PPP1R16B: variants seen among roughly 807,000 people sequenced by gnomAD.
PPP1R16B encodes protein phosphatase 1 regulatory inhibitor subunit 16B.
A neutral mutation model predicts 61.7 loss-of-function variants in PPP1R16B; 14 were observed. That is an observed-to-expected ratio of 0.23 (90% CI 0.15 to 0.35). The LOEUF (loss-of-function observed/expected upper bound fraction) is 0.35, where lower values mean the gene tolerates loss of function less well. Among genes scored for constraint, PPP1R16B ranks in the 10% least tolerant of loss-of-function variants. The probability of loss-of-function intolerance (pLI) is 1.00; values close to 1 mark genes in which losing one functional copy is unlikely to be tolerated. For synonymous variants in PPP1R16B, 266 were observed against 305.3 expected (o/e 0.87, Z 1.34); for missense variants, 547 against 752.5 (o/e 0.73, Z 3.19).
At chr20:38,887,075 G>A (rs1026594638) in intron 2 of PPP1R16B, among the ~76,000 whole-genome samples, 9 of 152,096 alleles carry the variant, frequency 5.9e-5, no homozygotes, top group Admixed American at 3.9e-4. Flanking sequence ...GTGTGTGTTA[G>A]TGTTAGAGGC....
intron 2 of PPP1R16B, among the ~76,000 whole-genome samples, chr20:38,843,273 T>G (rs2145724592): frequency 6.6e-6 from 1 of 152,378 alleles, no homozygotes; most frequent in East Asian, 1.9e-4. Flanking sequence ...AACTCAAAAT[T>G]TAGCAGCTTA....
intron 10 of PPP1R16B, among the ~76,000 whole-genome samples, chr20:38,912,500 C>T (rs74774270): frequency 3.0e-5 from 4 of 134,326 alleles, no homozygotes; most frequent in Non-Finnish European, 4.7e-5. Flanking sequence ...CTCTACCCCC[C>T]ACCAAAAAAA....
chr20:38,866,891 A>T (rs993872600), intron 2 of PPP1R16B, among the ~76,000 whole-genome samples: 2 of 152,180 alleles, frequency 1.3e-5, no homozygotes, highest in African/African-American at 4.8e-5. Context: ...CCCAAAAGGA[A>T]ACCCTGGACT....
rs1033589652 is a variant in PPP1R16B, at chr20:38,822,175, A to G, written c.-101-13650A>G. Among the ~76,000 whole-genome samples, 14 of 152,074 alleles carry G rather than the reference A, an allele frequency of 9.2e-5. 1 individual carries two copies. The highest frequency in any genetic ancestry group is 3.4e-4 in the African/African-American group (14 of 41,510). On this transcript the variant is annotated intron_variant, in intron 1 of 10. Transcript: ENST00000299824. ...ATTTAGCTTTAGTTGAACTACTTGA[A>G]GTCTGCCTTGTATGTACATCATTCA...
At chr20:38,905,362 T>A (rs1332576722) in intron 6 of PPP1R16B, among the ~76,000 whole-genome samples, 1 of 152,212 alleles carries the variant, frequency 6.6e-6, no homozygotes, top group East Asian at 1.9e-4. Flanking sequence ...AAGTTAGTGC[T>A]GGCTGTTGGC....
In PPP1R16B at chr20:38,907,123, AATAG is replaced by A; in HGVS notation, c.898+73_898+76del. ...CAATGTTTTGATGGGTAGAGGGAGA[AATAG>A]ATAAATATATGGTTGTATAGATTGA... On this transcript the variant is annotated intron_variant, in intron 8 of 10. Transcript: ENST00000299824. The surrounding 1 kb of genome is among the most constrained non-coding windows in gnomAD (Gnocchi z 4.5). 1 of 1,213,060 alleles carries A rather than the reference AATAG, an allele frequency of 8.2e-7. No homozygotes were observed. Among genetic ancestry groups the A allele is most frequent in the Admixed American group, 1.7e-5 (1 of 58,970 alleles). 75.1% of individuals were successfully genotyped at this position (1,213,060 alleles called of 1,614,324 possible). A position where few individuals can be genotyped will look rare whatever the true frequency, so the allele number is the denominator to read the frequency against.
chr20:38,813,872 C>T (rs749198999), intron 1 of PPP1R16B, among the ~76,000 whole-genome samples: 5 of 151,606 alleles, frequency 3.3e-5, no homozygotes, highest in Admixed American at 1.3e-4. Context: ...TCTCGGCTCA[C>T]GGCAACTTCT....
chr20:38,889,087 G>A (rs2085270623), intron 2 of PPP1R16B, among the ~76,000 whole-genome samples: 1 of 152,124 alleles, frequency 6.6e-6, no homozygotes, highest in Non-Finnish European at 1.5e-5. Flanking sequence ...ACATCTGCCA[G>A]AGCAGGAGTT....
At chr20:38,837,784 G>A (rs923435499) in intron 2 of PPP1R16B, among the ~76,000 whole-genome samples, 2 of 152,044 alleles carry the variant, frequency 1.3e-5, no homozygotes, top group African/African-American at 4.8e-5. Context: ...TTGACCTCAG[G>A]TGATCCACCT....
Position 38,908,191 on chromosome 20 carries a change from C to G in PPP1R16B, c.1192C>G (p.Pro398Ala). 6.2e-7 allele frequency: 1 copy of G among 1,614,210 alleles called. No homozygotes were observed. Among genetic ancestry groups the G allele is most frequent in the Non-Finnish European group, 8.5e-7 (1 of 1,180,030 alleles). The part of the protein sequence containing the change: ...ETRTDQENKD[P>A]NPRLEKPVLL... ...CAGGACAGACCAAGAGAATAAGGAC[C>G]CTGTGAGTGGCCTCACGCCCTGCCC... The change falls in exon 10 of 11, where the codon CCT becomes GCT. Residue 398 changes from proline to alanine, a missense_variant and splice_region_variant. By Grantham distance (27) the Pro-to-Ala change is conservative. Coordinates refer to ENST00000299824, the MANE Select transcript of PPP1R16B (RefSeq NM_015568.4).
At chr20:38,830,694 G>C (rs1466042505) in intron 1 of PPP1R16B, among the ~76,000 whole-genome samples, 1 of 152,170 alleles carries the variant, frequency 6.6e-6, no homozygotes. Context: ...CTTTTCTCTG[G>C]AGAAAGTCTG....
rs992756366 is a variant in PPP1R16B, at chr20:38,921,499, C to T, written c.*2833C>T. The T allele has an allele frequency of 6.6e-6, 1 of 152,232 alleles. No homozygotes were observed. The highest frequency in any genetic ancestry group is 1.5e-5 in the Non-Finnish European group (1 of 68,046). The allele number at this position is 152,232 out of a possible 1,614,324, so 9.4% of individuals were successfully genotyped here. A position where few individuals can be genotyped will look rare whatever the true frequency, so the allele number is the denominator to read the frequency against. Reference sequence around the variant, plus strand: ...GTGTCTGCATCTTCGTCCAGCGACCCTTTGCTTTTCGGCTCCTAGAATCCT... The same window carrying T: ...GTGTCTGCATCTTCGTCCAGCGACCTTTTGCTTTTCGGCTCCTAGAATCCT... On this transcript the variant is annotated 3_prime_UTR_variant, in exon 11 of 11. Transcript: ENST00000299824.
chr20:38,885,099 A>G (rs1240267317), intron 2 of PPP1R16B, among the ~76,000 whole-genome samples: 1 of 149,802 alleles, frequency 6.7e-6, no homozygotes, highest in Non-Finnish European at 1.5e-5. Flanking sequence ...CATGCCTTAA[A>G]TCCCAGCACT....
At position 38,889,635 on chromosome 20, in the gene PPP1R16B, C is replaced by A; in HGVS notation, c.291C>A (p.Cys97Ter). 1 of 1,600,528 alleles carries A rather than the reference C, an allele frequency of 6.2e-7. No individual in the cohort carries two copies. Among genetic ancestry groups the A allele is most frequent in the African/African-American group, 1.3e-5 (1 of 74,736 alleles). The change falls in exon 3 of 11, where the codon TGC becomes TGA. Residue 97 changes from cysteine to a stop codon, truncating the protein, a stop_gained. Transcript: ENST00000299824. LOFTEE classifies it high-confidence loss of function. ...FLKNKVSPDL[C>*]NEDGLTALHQ... is the part of the protein sequence containing the mutation. ...AGAATAAGGTCAGCCCTGATTTGTG[C>A]AATGAGGACGGACTCACAGCCCTAC...
chr20:38,837,730 T>C (rs1045323689), intron 2 of PPP1R16B, among the ~76,000 whole-genome samples: 2 of 151,892 alleles, frequency 1.3e-5, no homozygotes, highest in African/African-American at 4.8e-5. Context: ...AAATTTTTAG[T>C]AGGGATGGGA....
chr20:38,855,978 A>AAGGAGGAGGAGGAGGAGGAG (rs1265586618), intron 2 of PPP1R16B, among the ~76,000 whole-genome samples: 701 of 29,108 alleles, frequency 0.024, 4 homozygotes, highest in Non-Finnish European at 0.029. Flanking sequence ...AGAGAGAGAG[A>AAGGAGGAGGAGGAGGAGGAG]GAGAAGGAGG....
chr20:38,841,275 C>T (rs1188079549), intron 2 of PPP1R16B, among the ~76,000 whole-genome samples: 1 of 150,332 alleles, frequency 6.7e-6, no homozygotes, highest in Non-Finnish European at 1.5e-5. Context: ...ACTTGTTATC[C>T]CAGCACTTTG....
intron 2 of PPP1R16B, among the ~76,000 whole-genome samples, chr20:38,873,652 T>C (rs1382328142): frequency 2.0e-5 from 3 of 152,090 alleles, no homozygotes; most frequent in Non-Finnish European, 4.4e-5. Flanking sequence ...GGTGGTCTTT[T>C]CACAGGACTG....
intron 2 of PPP1R16B, among the ~76,000 whole-genome samples, chr20:38,861,699 C>T (rs1319246286): frequency 2.1e-4 from 27 of 131,354 alleles, no homozygotes; most frequent in African/African-American, 6.2e-4. Flanking sequence ...TTTTTTGAGA[C>T]GAAGTCTTGC....
Sources: allele counts gnomAD v4.1 joint callset (sites outside exome capture counted in the v4.1 genomes callset), GRCh38; gene constraint gnomAD v4.1.1; non-coding constraint Gnocchi (gnomAD v3.1); transcripts MANE v1.5; gene names NCBI Gene and HGNC (gene_info 2026-07-23, HGNC 2026-07-21).